The following ALMS1 variants were observed in gnomAD, a reference collection of about 807,000 sequenced individuals.
ALMS1 encodes the protein ALMS1 centrosome and basal body associated protein.
In ALMS1, 271 loss-of-function variants were observed where a neutral mutation model predicts 352.2. The ratio of observed to expected loss-of-function variants is 0.77; its 90% confidence interval spans 0.70 to 0.85. The LOEUF (loss-of-function observed/expected upper bound fraction) is 0.85. ALMS1 is among the 40% of genes least tolerant of loss of function. The pLI is 0.00. For missense variants in ALMS1, 5,445 were observed against 4,870.7 expected (o/e 1.12, Z -3.51); for synonymous variants, 1,865 against 1,761.2 (o/e 1.06, Z -1.48).
At chr2:73,555,079 A>G (rs1674516524) in intron 13 of ALMS1, among the ~76,000 whole-genome samples, 1 of 152,208 alleles carries the variant, frequency 6.6e-6, no homozygotes, top group African/African-American at 2.4e-5. Context: ...ATTAATTTCT[A>G]AATTAAATGC....
At chr2:73,421,522 A>G (rs1019497455) in intron 3 of ALMS1, among the ~76,000 whole-genome samples, 2 of 152,170 alleles carry the variant, frequency 1.3e-5, no homozygotes, top group Admixed American at 6.6e-5. Context: ...CCTTGGTGGC[A>G]AAGGTTATTG....
chr2:73,471,224 C>CA (rs1328753964), intron 9 of ALMS1, among the ~76,000 whole-genome samples: 1 of 141,974 alleles, frequency 7.0e-6, no homozygotes, highest in Non-Finnish European at 1.5e-5. Context: ...TTGATCCTTC[C>CA]TTTTTTTTTT....
chr2:73,586,857 A>G (rs965603373), intron 16 of ALMS1, among the ~76,000 whole-genome samples: 13 of 152,280 alleles, frequency 8.5e-5, no homozygotes, highest in Admixed American at 5.9e-4. Context: ...CATTTTCACA[A>G]TATTAATTCT....
intron 11 of ALMS1, among the ~76,000 whole-genome samples, chr2:73,533,694 T>C (rs941580812): frequency 6.6e-6 from 1 of 152,052 alleles, no homozygotes; most frequent in Non-Finnish European, 1.5e-5. Context: ...CTACCAATCA[T>C]GAAAGAAAAA....
chr2:73,421,285 T>C (rs1202657980), intron 3 of ALMS1, among the ~76,000 whole-genome samples: 1 of 151,978 alleles, frequency 6.6e-6, no homozygotes, highest in Non-Finnish European at 1.5e-5. Context: ...TTAACTCTAA[T>C]TTTTTTTGAG....
chr2:73,602,846 A>G (rs570531582), intron 20 of ALMS1, among the ~76,000 whole-genome samples: 1 of 152,336 alleles, frequency 6.6e-6, no homozygotes, highest in East Asian at 1.9e-4. Context: ...CTCTCCCAAG[A>G]TGACATACCT....
intron 15 of ALMS1, among the ~76,000 whole-genome samples, chr2:73,560,114 T>C (rs1430067124): frequency 6.6e-6 from 1 of 152,146 alleles, no homozygotes; most frequent in Non-Finnish European, 1.5e-5. Context: ...AGAGAAGATA[T>C]TTGCAAATCA....
intron 10 of ALMS1, among the ~76,000 whole-genome samples, chr2:73,497,485 C>G (rs1375494031): frequency 6.6e-6 from 1 of 151,914 alleles, no homozygotes; most frequent in Non-Finnish European, 1.5e-5. Flanking sequence ...AGGTTCAGTT[C>G]CAGACCACTG....
At chr2:73,409,792 A>T (rs1671040919) in intron 2 of ALMS1, among the ~76,000 whole-genome samples, 1 of 152,170 alleles carries the variant, frequency 6.6e-6, no homozygotes, top group African/African-American at 2.4e-5. Context: ...GAATTGGCTT[A>T]TGTGATCATG....
chr2:73,513,110 T>G (rs1673486011), intron 10 of ALMS1, among the ~76,000 whole-genome samples: 1 of 152,134 alleles, frequency 6.6e-6, no homozygotes, highest in Non-Finnish European at 1.5e-5. Context: ...TGCCAACCTC[T>G]CCCCAGCAAG....
chr2:73,465,074 A>G (rs1672301388), intron 9 of ALMS1, among the ~76,000 whole-genome samples: 1 of 152,144 alleles, frequency 6.6e-6, no homozygotes, highest in Non-Finnish European at 1.5e-5. Flanking sequence ...GTGGTAATTT[A>G]TAGATTCAAT....
chr2:73,405,451 T>A (rs1396512973), intron 1 of ALMS1, among the ~76,000 whole-genome samples: 3 of 152,108 alleles, frequency 2.0e-5, no homozygotes, highest in Non-Finnish European at 4.4e-5. Context: ...CATTTCTGAA[T>A]TTAGTTATTT....
intron 2 of ALMS1, among the ~76,000 whole-genome samples, chr2:73,416,629 G>A (rs1186030913): frequency 6.6e-6 from 1 of 152,050 alleles, no homozygotes; most frequent in African/African-American, 2.4e-5. Context: ...TACCACCCGG[G>A]AATTAAAAGA....
intron 9 of ALMS1, among the ~76,000 whole-genome samples, chr2:73,479,679 A>G (rs1672654668): frequency 6.6e-6 from 1 of 152,176 alleles, no homozygotes; most frequent in African/African-American, 2.4e-5. Context: ...GCTGCTGTAA[A>G]CATTCATATG....
At chr2:73,469,660 G>C (rs1023763669) in intron 9 of ALMS1, 3 of 151,814 alleles carry the variant, frequency 2.0e-5, no homozygotes, top group Non-Finnish European at 1.5e-5. Flanking sequence ...GTAACATTAT[G>C]AAGTATTTCC....
chr2:73,478,892 A>G (rs985036621), intron 9 of ALMS1, among the ~76,000 whole-genome samples: 5 of 151,676 alleles, frequency 3.3e-5, no homozygotes, highest in Admixed American at 2.6e-4. Context: ...CCCTGTGTCC[A>G]TGTGTTCTCA....
Position 73,386,089 on chromosome 2 carries a change from A to T in ALMS1, c.221A>T (p.Glu74Val), listed in dbSNP as rs750332908. The change falls in exon 1 of 23, where the codon GAG becomes GTG. Residue 74 changes from glutamate (E) to valine (V), a missense_variant. By Grantham distance (121) the Glu-to-Val change is moderately radical. Transcript: ENST00000613296. ...GAAAGTATAGACGACGAGGAGGACG[A>T]GGAGGCCAAGGCCTGGCTGCAGGCG... Reference protein sequence around the residue: ...HLESIDDEEDEEAKAWLQAHP... With the variant: ...HLESIDDEEDVEAKAWLQAHP... The T allele has an allele frequency of 6.3e-7, 1 of 1,596,086 alleles. No individual in the cohort carries two copies. Among genetic ancestry groups the T allele is most frequent in the Non-Finnish European group, 8.5e-7 (1 of 1,171,854 alleles).
At chr2:73,525,442 G>A (rs1673770833) in intron 11 of ALMS1, among the ~76,000 whole-genome samples, 1 of 152,068 alleles carries the variant, frequency 6.6e-6, no homozygotes, top group Non-Finnish European at 1.5e-5. Flanking sequence ...AACATTTGTT[G>A]TTGTATATCT....
intron 7 of ALMS1, among the ~76,000 whole-genome samples, chr2:73,445,815 C>T (rs1207157952): frequency 3.9e-5 from 6 of 151,924 alleles, no homozygotes; most frequent in African/African-American, 7.3e-5. Context: ...TCTTCTTGGT[C>T]GAAACTTACC....
Sources: gnomAD v4.1 joint callset for allele counts (sites outside exome capture counted in the v4.1 genomes callset) on GRCh38, gnomAD v4.1.1 for gene constraint, MANE v1.5 for transcripts, NCBI Gene and HGNC (gene_info 2026-07-23, HGNC 2026-07-21) for gene names.